Variants in MARCHF3 observed in about 807,000 individuals in gnomAD.
MARCHF3 encodes the protein membrane associated ring-CH-type finger 3.
A neutral mutation model predicts 24.2 loss-of-function variants in MARCHF3; 13 were observed. That is an observed-to-expected ratio of 0.54 (90% confidence interval 0.35 to 0.85). The LOEUF is 0.85. Among genes scored for constraint, MARCHF3 ranks in the 40% least tolerant of loss-of-function variants. The pLI, the probability that MARCHF3 is intolerant of heterozygous loss-of-function variation, is 0.01. For missense variants in MARCHF3, 276 were observed against 325.0 expected (o/e 0.85, Z 1.16); for synonymous variants, 144 against 137.3 (o/e 1.05, Z -0.34).
intron 3 of MARCHF3, among the ~76,000 whole-genome samples, chr5:126,908,624 G>T (rs1025541087): frequency 2.0e-5 from 3 of 151,830 alleles, no homozygotes; most frequent in African/African-American, 4.9e-5. Context: ...GGCTCCTGAG[G>T]CTTCTGCATT....
intron 3 of MARCHF3, among the ~76,000 whole-genome samples, chr5:126,908,941 A>T (rs558149680): frequency 2.0e-5 from 3 of 151,868 alleles, no homozygotes; most frequent in Non-Finnish European, 4.4e-5. Context: ...TTCTTCCCCA[A>T]GTTTGTGGTT....
intron 3 of MARCHF3, among the ~76,000 whole-genome samples, chr5:126,891,650 CTCTGTTTTGGTACCAGTACCAT>C (rs1753697681): frequency 7.5e-6 from 1 of 134,082 alleles, no homozygotes; most frequent in Admixed American, 7.5e-5. Flanking sequence ...TGATCTATAT[CTCTGTTTTGGTACCAGTACCAT>C]GCTGTTTTGG....
At chr5:127,028,971 C>A (rs1231159617) in intron 1 of MARCHF3, among the ~76,000 whole-genome samples, 1 of 152,170 alleles carries the variant, frequency 6.6e-6, no homozygotes, top group Non-Finnish European at 1.5e-5. Flanking sequence ...ACAGATGGGC[C>A]GGCTGGCGGC....
chr5:126,886,311 A>G (rs1463395038), intron 3 of MARCHF3, among the ~76,000 whole-genome samples: 1 of 152,176 alleles, frequency 6.6e-6, no homozygotes, highest in Admixed American at 6.5e-5. Flanking sequence ...CACACTACAT[A>G]AAATCTTGAT....
chr5:127,027,671 G>C (rs946139970), intron 1 of MARCHF3, among the ~76,000 whole-genome samples: 2 of 152,178 alleles, frequency 1.3e-5, no homozygotes, highest in African/African-American at 4.8e-5. Flanking sequence ...AACACTTTCA[G>C]ATGTAAGACA....
At chr5:126,935,862 C>T (rs1475491462) in intron 1 of MARCHF3, among the ~76,000 whole-genome samples, 6 of 151,982 alleles carry the variant, frequency 3.9e-5, no homozygotes, top group South Asian at 2.1e-4. Context: ...CCACCCACCT[C>T]GGCCTCCCAA....
At chr5:126,993,960 C>A (rs745994768) in intron 1 of MARCHF3, among the ~76,000 whole-genome samples, 1 of 152,156 alleles carries the variant, frequency 6.6e-6, no homozygotes, top group Non-Finnish European at 1.5e-5. Flanking sequence ...GGTTCAGCAG[C>A]ATCTTAGAGA....
chr5:126,974,081 G>A (rs1017853968), intron 1 of MARCHF3, among the ~76,000 whole-genome samples: 32 of 150,662 alleles, frequency 2.1e-4, no homozygotes, highest in Admixed American at 1.5e-3. Flanking sequence ...GTATTTTTTA[G>A]TAGAGACGGG....
chr5:126,995,055 C>G (rs941646458), intron 1 of MARCHF3, among the ~76,000 whole-genome samples: 1 of 152,214 alleles, frequency 6.6e-6, no homozygotes, highest in African/African-American at 2.4e-5. Flanking sequence ...ATGGTGCCCA[C>G]CCAGATTGAA....
chr5:126,989,346 A>C (rs538227281), intron 1 of MARCHF3, among the ~76,000 whole-genome samples: 23 of 150,714 alleles, frequency 1.5e-4, no homozygotes, highest in African/African-American at 5.7e-4. Flanking sequence ...ACTAATAATA[A>C]TAATAATATT....
intron 3 of MARCHF3, among the ~76,000 whole-genome samples, chr5:126,903,658 A>G (rs2126784520): frequency 6.6e-6 from 1 of 152,160 alleles, no homozygotes; most frequent in East Asian, 1.9e-4. Context: ...AAATCTCTAT[A>G]TAATCTATCT....
chr5:126,894,719 G>C (rs1252474731), intron 3 of MARCHF3, among the ~76,000 whole-genome samples: 4 of 151,750 alleles, frequency 2.6e-5, no homozygotes, highest in Admixed American at 6.6e-5. Flanking sequence ...CTGCCCTTAA[G>C]ATTTTTTCCT....
intron 1 of MARCHF3, among the ~76,000 whole-genome samples, chr5:127,028,858 T>C (rs531277910): frequency 3.3e-5 from 5 of 152,326 alleles, no homozygotes; most frequent in Admixed American, 2.6e-4. Flanking sequence ...AAAATAGAAC[T>C]TGAGAGGCAG....
chr5:127,011,354 A>G (rs909442245), intron 1 of MARCHF3, among the ~76,000 whole-genome samples: 3 of 152,168 alleles, frequency 2.0e-5, no homozygotes, highest in African/African-American at 7.2e-5. Flanking sequence ...CTACTCATCC[A>G]AATAACCTCA....
Position 127,017,225 on chromosome 5 carries a change from C to T in MARCHF3, c.-57+13125G>A, listed in dbSNP as rs562335891. ...CTTGTATACCTATGTAACAAACCTG[C>T]ACGTTGTGCACATGTACCCTAGAAC... On this transcript the variant is annotated intron_variant, in intron 1 of 4. Coordinates refer to ENST00000308660, the MANE Select transcript of MARCHF3 (RefSeq NM_178450.5). Among the ~76,000 whole-genome samples the T allele has an allele frequency of 4.6e-5, 7 of 152,208 alleles. No homozygotes were observed. In the South Asian group the frequency reaches 1.0e-3, roughly 23 times the overall value.
intron 1 of MARCHF3, among the ~76,000 whole-genome samples, chr5:126,981,100 A>C (rs550914551): frequency 6.6e-6 from 1 of 152,310 alleles, no homozygotes; most frequent in African/African-American, 2.4e-5. Flanking sequence ...ACTCTGTTGA[A>C]CTTGCAGAAA....
chr5:126,897,633 G>A (rs1753965590), intron 3 of MARCHF3, among the ~76,000 whole-genome samples: 1 of 152,002 alleles, frequency 6.6e-6, no homozygotes, highest in South Asian at 2.1e-4. Context: ...AAAGAAGAAA[G>A]TAAAAGATGA....
chr5:127,000,856 C>T (rs963003640), intron 1 of MARCHF3, among the ~76,000 whole-genome samples: 7 of 151,630 alleles, frequency 4.6e-5, no homozygotes, highest in African/African-American at 7.3e-5. Context: ...TTAGTAGAGA[C>T]GGGGTTTCAC....
At chr5:126,925,540 G>A (rs1482915292) in intron 1 of MARCHF3, among the ~76,000 whole-genome samples, 1 of 152,080 alleles carries the variant, frequency 6.6e-6, no homozygotes, top group African/African-American at 2.4e-5. Flanking sequence ...TTCAGATTTT[G>A]GAGGCTATCC....
Sources: allele counts gnomAD v4.1 joint callset (sites outside exome capture counted in the v4.1 genomes callset), GRCh38; gene constraint gnomAD v4.1.1; transcripts MANE v1.5; gene names NCBI Gene and HGNC (gene_info 2026-07-23, HGNC 2026-07-21).